ZFHX3: variants seen among roughly 807,000 people sequenced by gnomAD.
The protein encoded by ZFHX3 is zinc finger homeobox protein 3.
ZFHX3 carries 42 observed loss-of-function variants against 279.1 expected under a neutral mutation model. That is an observed-to-expected ratio of 0.15 (90% CI 0.12 to 0.19). ZFHX3 has a LOEUF of 0.19. Among genes scored for constraint, ZFHX3 ranks in the 10% least tolerant of loss-of-function variants. The pLI, the probability that ZFHX3 is intolerant of heterozygous loss-of-function variation, is 1.00. For synonymous variants in ZFHX3, 2,293 were observed against 1,957.8 expected (o/e 1.17, Z -4.52); for missense variants, 4,981 against 4,754.0 (o/e 1.05, Z -1.40).
rs376175083 is a variant in ZFHX3 at position 72,794,795 on chromosome 16, G to T, written c.7887C>A (p.Asn2629Lys). ...EEKASASPGE[N>K]DSGTGGEEPQ... ...GCTCTTCTCCTCCTGTCCCACTGTC[G>T]TTTTCGCCAGGGCTTGCACTGGCCT... is the stretch of plus-strand genomic sequence containing the variant. The change falls in exon 9 of 10, where the codon AAC becomes AAA. Residue 2629 changes from asparagine to lysine, a missense_variant. Asn to Lys is a moderately conservative substitution (Grantham distance 94). Transcript: ENST00000268489. This position sits in a 1 kb window ranked among gnomAD's most constrained non-coding sequence, Gnocchi z 4.2. The T allele has an allele frequency of 5.0e-6, 8 of 1,614,156 alleles. No homozygotes were observed. Among genetic ancestry groups the T allele is most frequent in the Middle Eastern group, 1.6e-4 (1 of 6,062 alleles).
At chr16:72,981,343 G>C (rs1232974403) in intron 1 of ZFHX3, among the ~76,000 whole-genome samples, 2 of 152,194 alleles carry the variant, frequency 1.3e-5, no homozygotes, top group African/African-American at 4.8e-5. Flanking sequence ...GTTTACAAAA[G>C]TTAACAGCCT....
intron 2 of ZFHX3, among the ~76,000 whole-genome samples, chr16:73,585,864 A>G (rs1057035249): frequency 3.9e-5 from 6 of 152,166 alleles, no homozygotes; most frequent in Non-Finnish European, 8.8e-5. Context: ...ATTAACTTAT[A>G]CGTAATTAAC....
At chr16:73,822,937 A>G (rs1960789773) in intron 1 of ZFHX3, among the ~76,000 whole-genome samples, 1 of 152,232 alleles carries the variant, frequency 6.6e-6, no homozygotes, top group African/African-American at 2.4e-5. Context: ...GCCTTAGTTC[A>G]TGCATTTATT....
chr16:72,958,830 G>A lies in ZFHX3; in HGVS notation c.1316C>T (p.Ala439Val), dbSNP rs1961402678. The change falls in exon 2 of 10, where the codon GCA (alanine) becomes GTA (valine). Residue 439 changes from alanine to valine, a missense_variant. Around this residue, in one of 7 missense-constraint regions of ZFHX3, gnomAD observed 1,068 missense variants for 935.2 expected, o/e 1.14. Transcript: ENST00000268489. Reference protein sequence around the residue: ...KSSEGKDSGAAEGEKQEVGDG... With the variant: ...KSSEGKDSGAVEGEKQEVGDG... ...GCCCACTTCCTGCTTCTCTCCTTCTGCCGCCCCAGAGTCCTTGCCCTCTGA... is the reference window on the plus strand; with the variant it reads ...GCCCACTTCCTGCTTCTCTCCTTCTACCGCCCCAGAGTCCTTGCCCTCTGA... 3 of 1,613,958 alleles carry A rather than the reference G, an allele frequency of 1.9e-6. No individual in the cohort carries two copies. The highest frequency in any genetic ancestry group is 2.5e-6 in the Non-Finnish European group (3 of 1,180,024).
chr16:73,585,629 A>G (rs951582916), intron 2 of ZFHX3, among the ~76,000 whole-genome samples: 5 of 152,196 alleles, frequency 3.3e-5, no homozygotes, highest in Non-Finnish European at 5.9e-5. Context: ...AAAACAGCAA[A>G]AACAAACAAC....
chr16:73,388,046 G>A (rs1192101716), intron 3 of ZFHX3, among the ~76,000 whole-genome samples: 2 of 152,114 alleles, frequency 1.3e-5, no homozygotes, highest in Non-Finnish European at 2.9e-5. Flanking sequence ...GAGCTGGGAG[G>A]AGGGGGAGAG....
At chr16:73,531,780 C>T (rs1347353134) in intron 2 of ZFHX3, among the ~76,000 whole-genome samples, 1 of 149,802 alleles carries the variant, frequency 6.7e-6, no homozygotes, top group Admixed American at 6.7e-5. Context: ...TTTGCTATGT[C>T]CTACTGATAG....
intron 4 of ZFHX3, among the ~76,000 whole-genome samples, chr16:72,864,624 G>C (rs1005335718): frequency 6.6e-6 from 1 of 152,134 alleles, no homozygotes; most frequent in African/African-American, 2.4e-5. Context: ...AAATACCATG[G>C]ACAGAGCAGC....
intron 1 of ZFHX3, among the ~76,000 whole-genome samples, chr16:73,034,120 G>A (rs1262831768): frequency 2.0e-5 from 3 of 151,726 alleles, no homozygotes; most frequent in Non-Finnish European, 4.4e-5. Flanking sequence ...AAAAAGTCTA[G>A]GATGGGACTG....
At chr16:72,987,738 G>A (rs1030957773) in intron 1 of ZFHX3, among the ~76,000 whole-genome samples, 3 of 152,200 alleles carry the variant, frequency 2.0e-5, no homozygotes, top group African/African-American at 7.2e-5. Flanking sequence ...ATGGCTGGAA[G>A]GGATGCACCA....
intron 2 of ZFHX3, among the ~76,000 whole-genome samples, chr16:73,556,346 T>TA (rs1184920997): frequency 1.3e-5 from 2 of 152,188 alleles, no homozygotes. Flanking sequence ...AAACAGGGGC[T>TA]AATGTAAAAT....
Position 73,769,073 on chromosome 16 carries a change from T to A in ZFHX3, c.-1607-88833A>T, listed in dbSNP as rs568305169. Among the ~76,000 whole-genome samples the A allele has an allele frequency of 1.7e-3, 252 of 152,288 alleles. 1 individual carries two copies. The highest frequency in any genetic ancestry group is 5.7e-3 in the African/African-American group (236 of 41,578). ...TGTTTATCTGAAATTCGAACTAAAC[T>A]GGGCATCCTGTATTTTTACTTGCTG... On this transcript the variant is annotated intron_variant, in intron 1 of 17. Coordinates refer to the ZFHX3 transcript ENST00000641206.
chr16:73,210,435 C>A (rs1295308007), intron 5 of ZFHX3, among the ~76,000 whole-genome samples: 1 of 151,910 alleles, frequency 6.6e-6, no homozygotes, highest in East Asian at 1.9e-4. Flanking sequence ...TAAAAAAAAT[C>A]CATTAAATTT....
At chr16:73,404,501 C>T (rs1040411904) in intron 3 of ZFHX3, among the ~76,000 whole-genome samples, 13 of 152,116 alleles carry the variant, frequency 8.5e-5, no homozygotes, top group Middle Eastern at 3.2e-3. Flanking sequence ...TCTAAGCAGC[C>T]GCAAAGAGAC....
intron 3 of ZFHX3, among the ~76,000 whole-genome samples, chr16:73,334,731 T>C (rs1202436051): frequency 6.7e-6 from 1 of 149,468 alleles, no homozygotes; most frequent in East Asian, 2.0e-4. Flanking sequence ...AATTTGAACC[T>C]GTCCCCTCCT....
intron 3 of ZFHX3, among the ~76,000 whole-genome samples, chr16:72,948,618 G>T (rs1327613998): frequency 1.3e-5 from 2 of 152,152 alleles, no homozygotes; most frequent in Admixed American, 1.3e-4. Context: ...GCCGCACGGA[G>T]GATGCAGCAT....
chr16:73,610,440 T>A (rs1297746642), intron 2 of ZFHX3, among the ~76,000 whole-genome samples: 1 of 152,196 alleles, frequency 6.6e-6, no homozygotes, highest in African/African-American at 2.4e-5. Context: ...AGAAACACTG[T>A]GCATTTTCCC....
At chr16:73,700,684 G>C (rs924935358) in intron 1 of ZFHX3, among the ~76,000 whole-genome samples, 1 of 152,156 alleles carries the variant, frequency 6.6e-6, no homozygotes, top group Non-Finnish European at 1.5e-5. Flanking sequence ...GCCATTAAAA[G>C]TTTATTAGCG....
At chr16:73,093,629 T>C (rs758375861) in intron 7 of ZFHX3, 7 of 495,894 alleles carry the variant, frequency 1.4e-5, no homozygotes, top group African/African-American at 1.2e-4. Context: ...GAAGGATGAG[T>C]GAACTCGGCC....
Sources: allele counts gnomAD v4.1 joint callset (sites outside exome capture counted in the v4.1 genomes callset), GRCh38; gene constraint gnomAD v4.1.1; regional missense constraint gnomAD v4.1.1; non-coding constraint Gnocchi (gnomAD v3.1); transcripts MANE v1.5; gene names NCBI Gene and HGNC (gene_info 2026-07-23, HGNC 2026-07-21).